GALNT14: variants seen among roughly 807,000 people sequenced by gnomAD.
GALNT14 encodes the protein polypeptide N-acetylgalactosaminyltransferase 14, also known as UDP-GalNAc:polypeptide N-acetylgalactosaminyltransferase 14.
Under a neutral mutation model 77.5 loss-of-function variants are expected in GALNT14, and 60 were observed. The observed-to-expected ratio is 0.77, with a 90% CI of 0.63 to 0.96. The LOEUF (loss-of-function observed/expected upper bound fraction) is 0.96. Among genes scored for constraint, GALNT14 ranks in the 40% least tolerant of loss-of-function variants. The pLI, the probability that GALNT14 is intolerant of heterozygous loss-of-function variation, is 0.00. For synonymous variants in GALNT14, 280 were observed against 281.7 expected, an observed-to-expected ratio of 0.99 and a Z score of 0.06; for missense variants, 710 against 731.0, an observed-to-expected ratio of 0.97 and a Z score of 0.33.
At chr2:31,013,744 T>C (rs532381206) in intron 1 of GALNT14, among the ~76,000 whole-genome samples, 23 of 152,326 alleles carry the variant, frequency 1.5e-4, no homozygotes, top group African/African-American at 4.3e-4. Flanking sequence ...TTCTGCTTTA[T>C]ATATGAATTT....
At chr2:31,114,917 T>C in intron 1 of GALNT14, 1 of 662,678 alleles carries the variant, frequency 1.5e-6, no homozygotes, top group South Asian at 1.8e-5. Flanking sequence ...ACTTCAGTCA[T>C]ACACCATCTG....
At chr2:30,997,617 A>T (rs1248223235) in intron 1 of GALNT14, among the ~76,000 whole-genome samples, 1 of 152,246 alleles carries the variant, frequency 6.6e-6, no homozygotes, top group African/African-American at 2.4e-5. Context: ...ACTAGAATTT[A>T]TTCAACCTAG....
At chr2:31,111,998 T>A (rs1180100514) in intron 1 of GALNT14, among the ~76,000 whole-genome samples, 4 of 147,504 alleles carry the variant, frequency 2.7e-5, no homozygotes, top group African/African-American at 1.1e-4. Context: ...GTACTTGCTT[T>A]TTTTTTTTTT....
chr2:30,938,480 T>A lies in GALNT14; in HGVS notation c.931+3721A>T, dbSNP rs189794035. ...CAGCTCAAAGTAGACACATTACATG[T>A]ACACTGTGTTATGTAAATTGCAGTT... On this transcript the variant is annotated intron_variant, in intron 9 of 14. Coordinates refer to ENST00000349752, the MANE Select transcript of GALNT14 (RefSeq NM_024572.4). Among the ~76,000 whole-genome samples, 98 of 152,214 alleles carry A rather than the reference T, an allele frequency of 6.4e-4. 1 individual carries two copies. The highest frequency in any genetic ancestry group is 2.3e-3 in the African/African-American group (96 of 41,510).
At chr2:31,024,619 T>C (rs6752303) in intron 1 of GALNT14, among the ~76,000 whole-genome samples, 65,760 of 152,034 alleles carry the variant, frequency 0.43, 14,437 homozygotes, top group East Asian at 0.56. Flanking sequence ...TATTCAGCTG[T>C]TTTTTCTTCA....
intron 1 of GALNT14, among the ~76,000 whole-genome samples, chr2:31,105,044 G>A (rs1677486866): frequency 6.6e-6 from 1 of 152,146 alleles, no homozygotes; most frequent in African/African-American, 2.4e-5. Context: ...GTGACCAAGT[G>A]GTGAATATGT....
intron 1 of GALNT14, among the ~76,000 whole-genome samples, chr2:31,040,586 G>A (rs549946051): frequency 3.3e-5 from 5 of 152,270 alleles, no homozygotes; most frequent in Admixed American, 3.3e-4. Context: ...TCTTAACATG[G>A]AAACAGAGGA....
At chr2:31,079,144 T>A in intron 1 of GALNT14, 1 of 980,508 alleles carries the variant, frequency 1.0e-6, no homozygotes, top group Non-Finnish European at 1.3e-6. Context: ...ACCAGCTTGT[T>A]TGAACCCAGT....
At chr2:31,009,318 C>A (rs76282384) in intron 1 of GALNT14, among the ~76,000 whole-genome samples, 1 of 152,040 alleles carries the variant, frequency 6.6e-6, no homozygotes, top group Non-Finnish European at 1.5e-5. Context: ...AAAAGCCCCC[C>A]TTCGAGGGTC....
In GALNT14 at chr2:30,945,796, C is replaced by T. The variant is rs149308795; in HGVS notation, c.729G>A (p.Ser243=). The change falls in exon 7 of 15, where the codon TCG becomes TCA. Residue 243 remains serine, a synonymous_variant. Transcript: ENST00000349752. ...AGCCCAACTCACCCCCTCTGAGCTC[C>T]GAGGCAGACTCGATGTAGGTGAAGG... The part of the protein sequence containing the change: ...LDTFTYIESA[S]ELRGGFDWSL... The T allele has an allele frequency of 2.4e-5, 38 of 1,613,924 alleles. No individual in the cohort carries two copies. Among genetic ancestry groups the T allele is most frequent in the Middle Eastern group, 1.6e-4 (1 of 6,082 alleles).
chr2:30,975,763 G>T (rs1668591708), intron 2 of GALNT14, among the ~76,000 whole-genome samples: 1 of 152,078 alleles, frequency 6.6e-6, no homozygotes, highest in Non-Finnish European at 1.5e-5. Context: ...TTTCTGGTAT[G>T]AGTAAAATAA....
At chr2:30,954,934 C>T (rs1277277941) in intron 6 of GALNT14, among the ~76,000 whole-genome samples, 19 of 152,154 alleles carry the variant, frequency 1.2e-4, no homozygotes, top group Admixed American at 1.1e-3. Context: ...GAACACAGTA[C>T]GAATGCTAGT....
chr2:30,960,730 A>T (rs1215274742), intron 3 of GALNT14, among the ~76,000 whole-genome samples: 1 of 151,988 alleles, frequency 6.6e-6, no homozygotes, highest in African/African-American at 2.4e-5. Context: ...CCTCATGCAC[A>T]CCCACTCTCA....
intron 1 of GALNT14, among the ~76,000 whole-genome samples, chr2:31,030,188 T>C (rs1015619674): frequency 2.0e-5 from 3 of 152,138 alleles, no homozygotes; most frequent in Admixed American, 6.5e-5. Flanking sequence ...CCTCCCTAAG[T>C]GGACAGGTTA....
intron 1 of GALNT14, among the ~76,000 whole-genome samples, chr2:31,083,212 CCTGA>C (rs1339345245): frequency 1.3e-5 from 2 of 152,168 alleles, no homozygotes; most frequent in Non-Finnish European, 2.9e-5. Flanking sequence ...ATGTGCCCAG[CCTGA>C]CTGACATGGC....
chr2:31,056,274 T>C (rs1674200901), intron 1 of GALNT14, among the ~76,000 whole-genome samples: 1 of 152,210 alleles, frequency 6.6e-6, no homozygotes, highest in African/African-American at 2.4e-5. Context: ...GATCATCTTC[T>C]GGTTTACCAT....
At chr2:31,047,018 T>A (rs1204827708) in intron 1 of GALNT14, among the ~76,000 whole-genome samples, 1 of 152,166 alleles carries the variant, frequency 6.6e-6, no homozygotes, top group Non-Finnish European at 1.5e-5. Context: ...TGCCAAGAAG[T>A]GGCTTGGCTG....
At chr2:31,105,343 T>C (rs1677502162) in intron 1 of GALNT14, among the ~76,000 whole-genome samples, 1 of 152,242 alleles carries the variant, frequency 6.6e-6, no homozygotes, top group Non-Finnish European at 1.5e-5. Flanking sequence ...TTCCTGACTT[T>C]CTGGCAAGAC....
At position 31,010,488 on chromosome 2, in the gene GALNT14, A is replaced by G. The variant is rs1157529192; in HGVS notation, c.130-17481T>C. Among the ~76,000 whole-genome samples, 6 of 152,284 alleles carry G rather than the reference A, an allele frequency of 3.9e-5. No individual in the cohort carries two copies. The East Asian group carries it at 5.8e-4, about 15-fold the overall frequency. On this transcript the variant is annotated intron_variant, in intron 1 of 14. Transcript: ENST00000349752. ...AAATTAGCCGGGCGGGGTGGTGAGC[A>G]CCTGTAGTCCCAGCTACTTGGGAGG...
Sources: gnomAD v4.1 joint callset for allele counts (sites outside exome capture counted in the v4.1 genomes callset) on GRCh38, gnomAD v4.1.1 for gene constraint, MANE v1.5 for transcripts, NCBI Gene and HGNC (gene_info 2026-07-23, HGNC 2026-07-21) for gene names.